The following SCRIB variants were observed in gnomAD, a reference collection of about 807,000 sequenced individuals.
The protein encoded by SCRIB is protein scribble homolog.
A neutral mutation model predicts 170.0 loss-of-function variants in SCRIB; 72 were observed. The observed-to-expected ratio is 0.42, with a 90% confidence interval of 0.35 to 0.52. The LOEUF (loss-of-function observed/expected upper bound fraction) is 0.52. Ranked by LOEUF, SCRIB falls within the 20% of genes least tolerant of loss-of-function variation. The pLI is 0.02. For synonymous variants in SCRIB, 1,298 were observed against 1,044.3 expected (o/e 1.24, Z -4.68); for missense variants, 2,475 against 2,338.5 (o/e 1.06, Z -1.20).
chr8:143,812,089 T>TGCCCCGCCTCACC (rs1412201610), intron 9 of SCRIB, among the ~76,000 whole-genome samples, 177 bp downstream of exon 9: 2 of 152,160 alleles, frequency 1.3e-5, no homozygotes, highest in Non-Finnish European at 2.9e-5. Context: ...CTGGCCTCAC[T>TGCCCCGCCTCACC]GCCCCGCCTC....
In SCRIB at chr8:143,793,563, G is replaced by C. The variant is rs781977848; in HGVS notation, c.3909+337C>G. 2.0e-5 allele frequency: 7 copies of C among 351,678 alleles called. No individual in the cohort carries two copies. The South Asian group carries it at 3.0e-4, about 15-fold the overall frequency. 21.8% of individuals were successfully genotyped at this position (351,678 alleles called of 1,614,324 possible). A position where few individuals can be genotyped will look rare whatever the true frequency, so the allele number is the denominator to read the frequency against. ...CAGTGTGTTGGGAGGTGCCAACAGTGGGGGGGCAAGGACCCCCAGACAAAA... is the reference window on the plus strand; with the variant it reads ...CAGTGTGTTGGGAGGTGCCAACAGTCGGGGGGCAAGGACCCCCAGACAAAA... On this transcript the variant is annotated intron_variant, in intron 28 of 36. Transcript: ENST00000356994.
intron 9 of SCRIB, among the ~76,000 whole-genome samples, chr8:143,811,813 C>T (rs1228515368): frequency 1.3e-5 from 2 of 152,148 alleles, no homozygotes; most frequent in Non-Finnish European, 2.9e-5. Context: ...CCCATGAACA[C>T]CCTCCCCACA....
At chr8:143,794,329 G>C (rs1814841092) in intron 27 of SCRIB, 1 of 261,128 alleles carries the variant, frequency 3.8e-6, no homozygotes, top group East Asian at 7.0e-5. Context: ...TCAGGGCTCA[G>C]TGGCGCCCTG....
In SCRIB at chr8:143,812,845, G is replaced by A; in HGVS notation, c.759C>T (p.Asn253=). Residue 253 remains asparagine, a synonymous_variant, in exon 8 of 37, where the codon AAC becomes AAT. Coordinates refer to ENST00000356994, the MANE Select transcript of SCRIB (RefSeq NM_182706.5). ...VLLTDLLLSQ[N]LLRRLPDGIG... is the part of the protein sequence containing the mutation. ...TGCCGTCGGGCAGCCTCCGCAGCAGGTTCTGGGACAGCAGCAGGTCAGTGA... is the reference window on the plus strand; with the variant it reads ...TGCCGTCGGGCAGCCTCCGCAGCAGATTCTGGGACAGCAGCAGGTCAGTGA... The A allele has an allele frequency of 6.2e-7, 1 of 1,604,650 alleles. No individual in the cohort carries two copies. Among genetic ancestry groups the A allele is most frequent in the Non-Finnish European group, 8.5e-7 (1 of 1,179,746 alleles).
Position 143,792,752 on chromosome 8 carries a change from G to C in SCRIB, c.4133C>G (p.Ser1378Cys), listed in dbSNP as rs782099715. The C allele has an allele frequency of 1.9e-6, 3 of 1,591,714 alleles. No individual in the cohort carries two copies. The East Asian group carries it at 6.8e-5, about 36-fold the overall frequency. The change falls in exon 30 of 37, where the codon TCC (serine) becomes TGC (cysteine). Residue 1378 changes from serine to cysteine, a missense_variant. Physicochemically the swap from Ser to Cys is moderately radical, Grantham distance 112 (BLOSUM62 -1). This residue lies in a region of SCRIB where 1,966 missense variants were observed against 1,742.9 expected (regional missense o/e 1.13). Coordinates refer to ENST00000356994, the MANE Select transcript of SCRIB (RefSeq NM_182706.5). ...PQAEGPPKRV[S>C]LVGADDLRKM... Reference sequence around the variant, plus strand: ...CCGCAGGTCGTCAGCACCCACCAGGGACACGCGCTTAGGGGGGCCCTCGGC... The same window carrying C: ...CCGCAGGTCGTCAGCACCCACCAGGCACACGCGCTTAGGGGGGCCCTCGGC...
At chr8:143,797,546 G>A (rs1207939577) in intron 24 of SCRIB, among the ~76,000 whole-genome samples, 1 of 152,190 alleles carries the variant, frequency 6.6e-6, no homozygotes, top group Non-Finnish European at 1.5e-5. Context: ...GATTTCAAGG[G>A]GCAGGAGTAA....
rs752716215 is a variant in SCRIB, at chr8:143,812,933, C to T, written c.671G>A (p.Cys224Tyr). ...CAGCCGGTTTTCCGACACGTCCAGGCACACCAGGCGCCGCAGGTTCCCGAG... is the reference window on the plus strand; with the variant it reads ...CAGCCGGTTTTCCGACACGTCCAGGTACACCAGGCGCCGCAGGTTCCCGAG... ...PELGNLRRLV[C>Y]LDVSENRLEE... is the part of the protein sequence containing the mutation. The change falls in exon 8 of 37, where the codon TGC (cysteine) becomes TAC (tyrosine). Residue 224 changes from cysteine to tyrosine, a missense_variant. Physicochemically the swap from Cys to Tyr is radical, Grantham distance 194 (BLOSUM62 -2). This residue lies in a region of SCRIB where 487 missense variants were observed against 558.1 expected (regional missense o/e 0.87). Coordinates refer to ENST00000356994, the MANE Select transcript of SCRIB (RefSeq NM_182706.5). 1 of 1,612,754 alleles carries T rather than the reference C, an allele frequency of 6.2e-7. No homozygotes were observed. Among genetic ancestry groups the T allele is most frequent in the South Asian group, 1.1e-5 (1 of 91,066 alleles).
In SCRIB at chr8:143,808,792, GC is replaced by G; in HGVS notation, c.1931del (p.Gly644AlafsTer73). On this transcript the variant is annotated frameshift_variant, in exon 15 of 37. Coordinates refer to ENST00000356994, the MANE Select transcript of SCRIB (RefSeq NM_182706.5). LOFTEE classifies it high-confidence loss of function. The stretch of plus-strand genomic sequence containing the variant: ...AGGGTGCGTGGGGGCCATTGTGCCA[GC>G]CCCCGGGAGCCACAGGGCCCTCCCC... ...PDGEGPVAPG[G>X]WHNGPHAPWA... is the part of the protein sequence containing the mutation. The G allele has an allele frequency of 6.2e-7, 1 of 1,611,120 alleles. No homozygotes were observed. Among genetic ancestry groups the G allele is most frequent in the Non-Finnish European group, 8.5e-7 (1 of 1,178,758 alleles).
At position 143,804,800 on chromosome 8, in the gene SCRIB, G is replaced by A. The variant is rs149127522; in HGVS notation, c.2777C>T (p.Ala926Val). ...CAGGGAGACGGCGTGGTCATGCCTG[G>A]CCTCAGTCACGTCCACTCCATTAAT... ...LSINGVDVTE[A>V]RHDHAVSLLT... The change falls in exon 21 of 37, where the codon GCC (alanine) becomes GTC (valine). Residue 926 changes from alanine (A) to valine (V), a missense_variant. By Grantham distance (64) the Ala-to-Val change is moderately conservative. Transcript: ENST00000356994. 26 of 1,595,924 alleles carry A rather than the reference G, an allele frequency of 1.6e-5. No individual in the cohort carries two copies. The highest frequency in any genetic ancestry group is 2.1e-5 in the Non-Finnish European group (25 of 1,175,658).
Position 143,792,335 on chromosome 8 carries a change from G to T in SCRIB, c.4399C>A (p.His1467Asn). 6.5e-7 allele frequency: 1 copy of T among 1,546,400 alleles called. No individual in the cohort carries two copies. The highest frequency in any genetic ancestry group is 2.4e-5 in the East Asian group (1 of 42,066). Residue 1467 changes from histidine to asparagine, a missense_variant, in exon 32 of 37, where the codon CAC becomes AAC. By Grantham distance (68) the His-to-Asn change is moderately conservative. This residue lies in a region of SCRIB where 1,966 missense variants were observed against 1,742.9 expected (regional missense o/e 1.13). Coordinates refer to ENST00000356994, the MANE Select transcript of SCRIB (RefSeq NM_182706.5). ...CTCTGCACGCGCAGCCGCTCCTGGT[G>T]GCGCCGTTCAGCTTTGGCCGTCCGC... ...PVRTAKAERR[H>N]QERLRVQSPE...
At chr8:143,799,939 CA>C (rs1216908570) in intron 24 of SCRIB, among the ~76,000 whole-genome samples, 12 of 152,000 alleles carry the variant, frequency 7.9e-5, no homozygotes, top group Admixed American at 1.3e-4. Context: ...ACCCAGTGGG[CA>C]AACCGATGCC....
Position 143,795,470 on chromosome 8 carries a change from C to G in SCRIB, c.3664G>C (p.Glu1222Gln). ...TCCCGGTCGATGGAAGAGATGCTCT[C>G]CAGGCTGTTCCGGTGGCCGATGCCT... is the stretch of plus-strand genomic sequence containing the variant. ...AAGIGHRNSLESISSIDRELS... is the reference protein window; with the variant it reads ...AAGIGHRNSLQSISSIDRELS... Residue 1222 changes from glutamate to glutamine, a missense_variant, in exon 25 of 37, where the codon GAG (glutamate) becomes CAG (glutamine). Transcript: ENST00000356994. 6.2e-7 allele frequency: 1 copy of G among 1,613,284 alleles called. No individual in the cohort carries two copies. Among genetic ancestry groups the G allele is most frequent in the Non-Finnish European group, 8.5e-7 (1 of 1,179,854 alleles).
intron 24 of SCRIB, among the ~76,000 whole-genome samples, chr8:143,796,800 G>T (rs906326801): frequency 3.3e-5 from 5 of 152,184 alleles, no homozygotes; most frequent in African/African-American, 1.2e-4. Flanking sequence ...GTCCAAGAGA[G>T]GCAGGGGTCC....
chr8:143,791,826 C>G, intron 34 of SCRIB, 50 bp downstream of exon 34: 1 of 1,280,302 alleles, frequency 7.8e-7, no homozygotes, highest in South Asian at 1.4e-5. Context: ...GGCCAGACCC[C>G]ACCCCCATGC....
rs565033927 is a variant in SCRIB, at chr8:143,803,634, G to C, written c.3414+13C>G. On this transcript the variant is annotated intron_variant, in intron 23 of 36. Transcript: ENST00000356994. ...GGTGGGGCCCAGGGCGGGCTGGGGTGGGGGGGGCTCACCTTGGAGATGAAG... is the reference window on the plus strand; with the variant it reads ...GGTGGGGCCCAGGGCGGGCTGGGGTCGGGGGGGCTCACCTTGGAGATGAAG... 124 of 1,527,372 alleles carry C rather than the reference G, an allele frequency of 8.1e-5. 2 individuals are homozygous for C. In the South Asian group the frequency reaches 1.2e-3, roughly 15 times the overall value. The allele number at this position is 1,527,372 out of a possible 1,614,324, so 94.6% of individuals were successfully genotyped here. A position where few individuals can be genotyped will look rare whatever the true frequency, so the allele number is the denominator to read the frequency against.
At position 143,792,545 on chromosome 8, in the gene SCRIB, A is replaced by T; in HGVS notation, c.4268T>A (p.Leu1423Gln). The T allele has an allele frequency of 6.4e-7, 1 of 1,560,770 alleles. No homozygotes were observed. Among genetic ancestry groups the T allele is most frequent in the South Asian group, 1.2e-5 (1 of 86,276 alleles). ...CTCATCCTCCTGTTCCTCCTCGCCC[A>T]GCGTCTCCCCGTCCAGGGCGAGCCT... ...EARLALDGETLGEEEQEDEQP... is the reference protein window; with the variant it reads ...EARLALDGETQGEEEQEDEQP... The change falls in exon 31 of 37, where the codon CTG becomes CAG. Residue 1423 changes from leucine to glutamine, a missense_variant. Physicochemically the swap from Leu to Gln is moderately radical, Grantham distance 113 (BLOSUM62 -2). Transcript: ENST00000356994.
At position 143,792,555 on chromosome 8, in the gene SCRIB, C is replaced by G. The variant is rs557969428; in HGVS notation, c.4258G>C (p.Gly1420Arg). The G allele has an allele frequency of 1.3e-6, 2 of 1,565,286 alleles. No individual in the cohort carries two copies. The highest frequency in any genetic ancestry group is 1.8e-5 in the Admixed American group (1 of 54,066). The part of the protein sequence containing the change: ...AGAEARLALD[G>R]ETLGEEEQED... Reference sequence around the variant, plus strand: ...TGTTCCTCCTCGCCCAGCGTCTCCCCGTCCAGGGCGAGCCTCGCTTCGGCC... The same window carrying G: ...TGTTCCTCCTCGCCCAGCGTCTCCCGGTCCAGGGCGAGCCTCGCTTCGGCC... The change falls in exon 31 of 37, where the codon GGG becomes CGG. Residue 1420 changes from glycine (G) to arginine (R), a missense_variant. Gly to Arg is a moderately radical substitution (Grantham distance 125, BLOSUM62 -2). Coordinates refer to ENST00000356994, the MANE Select transcript of SCRIB (RefSeq NM_182706.5).
At position 143,792,582 on chromosome 8, in the gene SCRIB, C is replaced by A; in HGVS notation, c.4231G>T (p.Gly1411Trp). ...TCCAGGGCGAGCCTCGCTTCGGCCCCAGCCTCTGCCGCCTCCCGCAGCATC... is the reference window on the plus strand; with the variant it reads ...TCCAGGGCGAGCCTCGCTTCGGCCCAAGCCTCTGCCGCCTCCCGCAGCATC... ...AQMLREAAEAGAEARLALDGE... is the reference protein window; with the variant it reads ...AQMLREAAEAWAEARLALDGE... The change falls in exon 31 of 37, where the codon GGG becomes TGG. Residue 1411 changes from glycine to tryptophan, a missense_variant. By Grantham distance (184) the Gly-to-Trp change is radical. Transcript: ENST00000356994. The A allele has an allele frequency of 1.3e-6, 2 of 1,584,422 alleles. No homozygotes were observed. The highest frequency in any genetic ancestry group is 8.5e-7 in the Non-Finnish European group (1 of 1,172,640).
In SCRIB at chr8:143,793,306, G is replaced by A. The variant is rs1241815106; in HGVS notation, c.3910-223C>T. ...GGGGGCTGGGGAGCCCCTTGGCCAG[G>A]CCTGAGCCAATGGCTGGATCACCCC... On this transcript the variant is annotated intron_variant, in intron 28 of 36. Coordinates refer to ENST00000356994, the MANE Select transcript of SCRIB (RefSeq NM_182706.5). The A allele has an allele frequency of 2.9e-5, 13 of 443,048 alleles. No individual in the cohort carries two copies. In the Admixed American group the frequency reaches 3.7e-4, roughly 12 times the overall value. 27.4% of individuals were successfully genotyped at this position (443,048 alleles called of 1,614,324 possible).
Sources: allele counts gnomAD v4.1 joint callset (sites outside exome capture counted in the v4.1 genomes callset), GRCh38; gene constraint gnomAD v4.1.1; regional missense constraint gnomAD v4.1.1; transcripts MANE v1.5; gene names NCBI Gene and HGNC (gene_info 2026-07-23, HGNC 2026-07-21).